The following DSCAM variants were observed in gnomAD, a reference collection of about 807,000 sequenced individuals.
DSCAM encodes cell adhesion molecule DSCAM.
DSCAM carries 47 observed loss-of-function variants against 217.7 expected under a neutral mutation model. The ratio of observed to expected loss-of-function variants is 0.22; its 90% CI spans 0.17 to 0.28. The LOEUF is 0.28. Among genes scored for constraint, DSCAM ranks in the 10% least tolerant of loss-of-function variants. DSCAM has a pLI of 1.00. For missense variants in DSCAM, 2,080 were observed against 2,618.3 expected (o/e 0.79, Z 4.49); for synonymous variants, 1,056 against 1,015.3 (o/e 1.04, Z -0.76).
intron 18 of DSCAM, 50 bp downstream of exon 18, chr21:40,142,508 A>G (rs1296411678): frequency 2.5e-6 from 4 of 1,605,872 alleles, no homozygotes; most frequent in Non-Finnish European, 2.6e-6. Flanking sequence ...TGCAAATTCC[A>G]TCATGCATTC....
At chr21:40,468,601 G>A (rs1422091435) in intron 3 of DSCAM, among the ~76,000 whole-genome samples, 1 of 152,094 alleles carries the variant, frequency 6.6e-6, no homozygotes, top group Non-Finnish European at 1.5e-5. Flanking sequence ...ACAAGGAGGG[G>A]TTTCCTGAAA....
At chr21:40,677,685 G>A (rs1317340730) in intron 3 of DSCAM, among the ~76,000 whole-genome samples, 2 of 152,108 alleles carry the variant, frequency 1.3e-5, no homozygotes, top group Non-Finnish European at 2.9e-5. Flanking sequence ...ATCGGGAGGT[G>A]GATCCTTTGG....
At chr21:40,369,361 G>T (rs1349646837) in intron 3 of DSCAM, 116 bp from the exon 4 acceptor site, 3 of 974,010 alleles carry the variant, frequency 3.1e-6, no homozygotes, top group Non-Finnish European at 4.4e-6. Context: ...TAATGAAAAG[G>T]CTAAAAATGG....
intron 1 of DSCAM, among the ~76,000 whole-genome samples, chr21:40,787,296 G>A (rs1004684590): frequency 3.9e-5 from 6 of 152,146 alleles, no homozygotes; most frequent in Admixed American, 6.5e-5. Flanking sequence ...ACATCTTGCC[G>A]AATGATGTGT....
intron 3 of DSCAM, among the ~76,000 whole-genome samples, chr21:40,422,596 C>T (rs1315216088): frequency 1.3e-5 from 2 of 152,120 alleles, no homozygotes; most frequent in Non-Finnish European, 2.9e-5. Flanking sequence ...GAGCCAAGAT[C>T]GCGCCACTGC....
chr21:40,655,928 C>T (rs909318598), intron 3 of DSCAM, among the ~76,000 whole-genome samples: 1 of 152,130 alleles, frequency 6.6e-6, no homozygotes, highest in African/African-American at 2.4e-5. Context: ...TGGTGCACAC[C>T]TGCAGTCACA....
At chr21:40,356,024 T>C (rs1243094469) in intron 4 of DSCAM, among the ~76,000 whole-genome samples, 1 of 152,228 alleles carries the variant, frequency 6.6e-6, no homozygotes, top group African/African-American at 2.4e-5. Flanking sequence ...ATGATATTCC[T>C]ATGCATGTGT....
In DSCAM at chr21:40,075,119, G is replaced by A; in HGVS notation, c.4806C>T (p.Ile1602=). 1 of 1,614,178 alleles carries A rather than the reference G, an allele frequency of 6.2e-7. No individual in the cohort carries two copies. Among genetic ancestry groups the A allele is most frequent in the South Asian group, 1.1e-5 (1 of 91,078 alleles). Residue 1602 remains isoleucine, a synonymous_variant, in exon 27 of 33, where the codon ATC becomes ATT. Transcript: ENST00000400454. The part of the protein sequence containing the change: ...GLKMLVTISC[I]LVGVLLLFVL... The stretch of plus-strand genomic sequence containing the variant: ...CAAACAGCAGCAAGACCCCCACCAG[G>A]ATACAGGAGATGGTCACCAGCATCT...
At position 40,432,915 on chromosome 21, in the gene DSCAM, C is replaced by T. The variant is rs751792912; in HGVS notation, c.509-63670G>A. ...CTGAGCCTGAAACCTACTCTCTTAA[C>T]CAGGTTGACCCATCGCTTCTCGTTT... On this transcript the variant is annotated intron_variant, in intron 3 of 32. Transcript: ENST00000400454. Among the ~76,000 whole-genome samples the T allele has an allele frequency of 3.9e-5, 6 of 152,144 alleles. No homozygotes were observed. In the East Asian group the frequency reaches 1.2e-3, roughly 29 times the overall value.
rs534657113 is a variant in DSCAM at position 40,501,888 on chromosome 21, C to T, written c.509-132643G>A. Among the ~76,000 whole-genome samples, 5 of 152,318 alleles carry T rather than the reference C, an allele frequency of 3.3e-5. No homozygotes were observed. The East Asian group carries it at 7.7e-4, about 23-fold the overall frequency. On this transcript the variant is annotated intron_variant, in intron 3 of 32. Transcript: ENST00000400454. ...GGATTATAGGCGTGAGCCACAGCGC[C>T]GGCTAATGGATTATTAATGTTCTTT...
chr21:40,470,291 C>T lies in DSCAM; in HGVS notation c.509-101046G>A, dbSNP rs573447092. On this transcript the variant is annotated intron_variant, in intron 3 of 32. Transcript: ENST00000400454. ...GAGCTCATTAATGTTACGTGTCTGC[C>T]TTGCAGGAAAAAGCTATGGAAACAC... Among the ~76,000 whole-genome samples, 23 of 152,330 alleles carry T rather than the reference C, an allele frequency of 1.5e-4. 1 individual carries two copies. The South Asian group carries it at 4.1e-3, about 27-fold the overall frequency.
At chr21:40,780,421 G>GTATATA (rs1490666344) in intron 1 of DSCAM, among the ~76,000 whole-genome samples, 7 of 48,046 alleles carry the variant, frequency 1.5e-4, no homozygotes, top group African/African-American at 5.1e-4. Flanking sequence ...GTGTGTGTGT[G>GTATATA]TGTATATATA....
chr21:40,620,155 AG>A lies in DSCAM; in HGVS notation c.508+72654del, dbSNP rs1275265767. 5.4e-5 allele frequency among the ~76,000 whole-genome samples: 7 copies of A among 129,294 alleles called. 1 individual carries two copies. Among genetic ancestry groups the A allele is most frequent in the African/African-American group, 2.3e-4 (7 of 29,792 alleles). 84.8% of individuals were successfully genotyped at this position (129,294 alleles called of 152,430 possible). A position where few individuals can be genotyped will look rare whatever the true frequency, so the allele number is the denominator to read the frequency against. ...AGAGAAAGAGAGAGAAAAAAGAAAA[AG>A]AAAGAAAGAGAGAGAGAAAGAGAGA... On this transcript the variant is annotated intron_variant, in intron 3 of 32. Coordinates refer to ENST00000400454, the MANE Select transcript of DSCAM (RefSeq NM_001389.5).
intron 1 of DSCAM, among the ~76,000 whole-genome samples, chr21:40,720,764 G>C (rs960612990): frequency 1.3e-5 from 2 of 152,150 alleles, no homozygotes; most frequent in Non-Finnish European, 2.9e-5. Flanking sequence ...ATTCCAAAAG[G>C]AGGAAATTTG....
At chr21:40,013,738 A>T (rs2088105566) in intron 32 of DSCAM, among the ~76,000 whole-genome samples, 2 of 152,216 alleles carry the variant, frequency 1.3e-5, no homozygotes, top group African/African-American at 4.8e-5. Flanking sequence ...ACGGTGATAG[A>T]CCAAACCCCG....
At chr21:40,844,307 T>G (rs1478606067) in intron 1 of DSCAM, among the ~76,000 whole-genome samples, 1 of 152,242 alleles carries the variant, frequency 6.6e-6, no homozygotes, top group African/African-American at 2.4e-5. Context: ...GAAAACTGTT[T>G]AAAGCTGATT....
chr21:40,052,247 T>G, intron 29 of DSCAM, 140 bp from the exon 30 acceptor site: 7 of 943,678 alleles, frequency 7.4e-6, no homozygotes, highest in Non-Finnish European at 1.1e-5. Context: ...ACAAAAATGA[T>G]TGAAAATTCA....
chr21:40,222,104 C>CTT (rs2091293708), intron 11 of DSCAM, among the ~76,000 whole-genome samples: 1 of 152,108 alleles, frequency 6.6e-6, no homozygotes, highest in African/African-American at 2.4e-5. Context: ...GTGTTTGTTG[C>CTT]CAGTGGTAAA....
intron 5 of DSCAM, among the ~76,000 whole-genome samples, chr21:40,352,303 G>T (rs574610990): frequency 2.5e-4 from 38 of 152,156 alleles, no homozygotes; most frequent in Admixed American, 3.9e-4. Flanking sequence ...GAGCCCGTGG[G>T]AATAATTCTT....
Sources: allele counts gnomAD v4.1 joint callset (sites outside exome capture counted in the v4.1 genomes callset), GRCh38; gene constraint gnomAD v4.1.1; transcripts MANE v1.5; gene names NCBI Gene and HGNC (gene_info 2026-07-23, HGNC 2026-07-21).